Variants in KCNT2 observed in about 807,000 individuals in gnomAD.
KCNT2 encodes potassium sodium-activated channel subfamily T member 2.
KCNT2 carries 67 observed loss-of-function variants against 153.8 expected under a neutral mutation model. The observed-to-expected ratio is 0.44, with a 90% CI of 0.36 to 0.53. The LOEUF (loss-of-function observed/expected upper bound fraction) is 0.53. Among genes scored for constraint, KCNT2 ranks in the 20% least tolerant of loss-of-function variants. The pLI is 0.00. For missense variants in KCNT2, 975 were observed against 1,354.8 expected, an observed-to-expected ratio of 0.72 and a Z score of 4.40; for synonymous variants, 500 against 458.8, an observed-to-expected ratio of 1.09 and a Z score of -1.15.
At chr1:196,288,797 T>C (rs908890836) in intron 22 of KCNT2, among the ~76,000 whole-genome samples, 1 of 152,054 alleles carries the variant, frequency 6.6e-6, no homozygotes, top group Admixed American at 6.6e-5. Context: ...ACAAGTTGAT[T>C]TGGACTTGGG....
chr1:196,256,302 C>A (rs971131632), intron 26 of KCNT2, among the ~76,000 whole-genome samples: 1 of 151,840 alleles, frequency 6.6e-6, no homozygotes, highest in Admixed American at 6.6e-5. Flanking sequence ...AACAGTTCTG[C>A]CAAATTTTAA....
chr1:196,440,853 CA>C (rs1314693970), intron 8 of KCNT2, among the ~76,000 whole-genome samples: 1 of 151,730 alleles, frequency 6.6e-6, no homozygotes, highest in African/African-American at 2.4e-5. Context: ...TCCACAGATC[CA>C]AAAAAATCAA....
intron 26 of KCNT2, among the ~76,000 whole-genome samples, chr1:196,245,992 A>G (rs1362882438): frequency 6.6e-6 from 1 of 152,184 alleles, no homozygotes; most frequent in African/African-American, 2.4e-5. Flanking sequence ...TAAATACAAG[A>G]TGATAATAGA....
chr1:196,360,949 A>G (rs1667565292), intron 14 of KCNT2, among the ~76,000 whole-genome samples: 2 of 152,226 alleles, frequency 1.3e-5, no homozygotes, highest in Middle Eastern at 6.8e-3. Flanking sequence ...ATTAACCATT[A>G]TGTAGTATCC....
chr1:196,290,677 A>T (rs1009052241), intron 22 of KCNT2, among the ~76,000 whole-genome samples: 13 of 151,988 alleles, frequency 8.6e-5, no homozygotes, highest in African/African-American at 9.7e-5. Context: ...ATATACTTAA[A>T]TAAATGTATC....
At chr1:196,471,879 A>G (rs1572568054) in intron 5 of KCNT2, among the ~76,000 whole-genome samples, 1 of 152,354 alleles carries the variant, frequency 6.6e-6, no homozygotes, top group Non-Finnish European at 1.5e-5. Flanking sequence ...CCAACATAAT[A>G]AAATCCAAAC....
At chr1:196,464,417 A>G (rs1248873106) in intron 8 of KCNT2, among the ~76,000 whole-genome samples, 2 of 151,930 alleles carry the variant, frequency 1.3e-5, no homozygotes, top group Non-Finnish European at 2.9e-5. Context: ...CTAACCACAT[A>G]CTATTGATAC....
At chr1:196,358,422 C>G (rs189044851) in intron 14 of KCNT2, among the ~76,000 whole-genome samples, 33 of 151,796 alleles carry the variant, frequency 2.2e-4, no homozygotes, top group Admixed American at 1.1e-3. Flanking sequence ...ACAAAATCAG[C>G]ACCTCCAGAA....
chr1:196,565,107 AC>A (rs983797973), intron 1 of KCNT2, among the ~76,000 whole-genome samples: 3 of 151,738 alleles, frequency 2.0e-5, no homozygotes, highest in Admixed American at 6.6e-5. Context: ...AGAAAAAAAA[AC>A]AAATCAATAG....
chr1:196,296,128 G>T (rs1009571871), intron 22 of KCNT2, among the ~76,000 whole-genome samples: 1 of 151,856 alleles, frequency 6.6e-6, no homozygotes, highest in African/African-American at 2.4e-5. Flanking sequence ...AATAAAGAAT[G>T]AAATTCTATA....
intron 1 of KCNT2, among the ~76,000 whole-genome samples, chr1:196,547,192 G>A (rs1203624332): frequency 6.6e-6 from 1 of 151,942 alleles, no homozygotes; most frequent in Non-Finnish European, 1.5e-5. Flanking sequence ...TTTAAGAAGT[G>A]TGTCAAAATT....
Position 196,334,487 on chromosome 1 carries a change from C to CTTTTTTTTTTTTTTTTTTTTTTTTTTTT in KCNT2, c.1784-428_1784-427insAAAAAAAAAAAAAAAAAAAAAAAAAAAA, listed in dbSNP as rs533230418. 3.3e-3 allele frequency among the ~76,000 whole-genome samples: 285 copies of CTTTTTTTTTTTTTTTTTTTTTTTTTTTT among 87,206 alleles called. 58 individuals are homozygous for CTTTTTTTTTTTTTTTTTTTTTTTTTTTT. Among genetic ancestry groups the CTTTTTTTTTTTTTTTTTTTTTTTTTTTT allele is most frequent in the Middle Eastern group, 8.5e-3 (1 of 118 alleles). The allele number at this position is 87,206 out of a possible 152,430, so 57.2% of individuals were successfully genotyped here. On this transcript the variant is annotated intron_variant, in intron 16 of 27. Coordinates refer to ENST00000294725, the MANE Select transcript of KCNT2 (RefSeq NM_198503.5). Reference sequence around the variant, plus strand: ...TTTTCTTTTATTTCTTTCTTTCTTTCTTTTTTTTTTTTAAGACAGAGTCTC... The same window carrying CTTTTTTTTTTTTTTTTTTTTTTTTTTTT: ...TTTTCTTTTATTTCTTTCTTTCTTTCTTTTTTTTTTTTTTTTTTTTTTTTTTTTTTTTTTTTTTTTAAGACAGAGTCTC...
At chr1:196,472,916 G>A (rs950470337) in intron 5 of KCNT2, among the ~76,000 whole-genome samples, 17 of 151,830 alleles carry the variant, frequency 1.1e-4, no homozygotes, top group Admixed American at 9.2e-4. Flanking sequence ...GCACCTTTAC[G>A]CCAGACCAGG....
chr1:196,466,181 GTT>G (rs1677599884), intron 7 of KCNT2, among the ~76,000 whole-genome samples: 1 of 152,054 alleles, frequency 6.6e-6, no homozygotes, highest in African/African-American at 2.4e-5. Context: ...ATCCTGTCTT[GTT>G]TGAGTTATTT....
In KCNT2 at chr1:196,543,933, C is replaced by A. The variant is rs575241266; in HGVS notation, c.96-51592G>T. 2.9e-4 allele frequency among the ~76,000 whole-genome samples: 36 copies of A among 122,796 alleles called. No homozygotes were observed. In the South Asian group the frequency reaches 0.011, roughly 36 times the overall value. 80.6% of individuals were successfully genotyped at this position (122,796 alleles called of 152,430 possible). On this transcript the variant is annotated intron_variant, in intron 1 of 27. Transcript: ENST00000294725. ...TATAATTGTGTATTTACACAAAAAACCTGCACATAAATGTTCATAGCAGCT... is the reference window on the plus strand; with the variant it reads ...TATAATTGTGTATTTACACAAAAAAACTGCACATAAATGTTCATAGCAGCT...
At position 196,326,826 on chromosome 1, in the gene KCNT2, C is replaced by A. The variant is rs1337007119; in HGVS notation, c.2167G>T (p.Val723Phe). The stretch of plus-strand genomic sequence containing the variant: ...CCATTTCCAGCTGTTTCAGCTGCAA[C>A]TATAATTAGTTTATTTTTGAATCCA... ...AYGFKNKLIIVAAETAGNGLY... is the reference protein window; with the variant it reads ...AYGFKNKLIIFAAETAGNGLY... The change falls in exon 19 of 28, where the codon GTT (valine) becomes TTT (phenylalanine). Residue 723 changes from valine (V) to phenylalanine (F), a missense_variant. By Grantham distance (50) the Val-to-Phe change is conservative. Coordinates refer to ENST00000294725, the MANE Select transcript of KCNT2 (RefSeq NM_198503.5). 6.3e-7 allele frequency: 1 copy of A among 1,586,964 alleles called. No individual in the cohort carries two copies.
chr1:196,524,292 T>C (rs1323484852), intron 1 of KCNT2, among the ~76,000 whole-genome samples: 1 of 152,090 alleles, frequency 6.6e-6, no homozygotes, highest in Non-Finnish European at 1.5e-5. Context: ...TATTTCAGGT[T>C]CACACATTCT....
chr1:196,401,131 T>C (rs1044862381), intron 12 of KCNT2, among the ~76,000 whole-genome samples: 5 of 151,794 alleles, frequency 3.3e-5, no homozygotes, highest in African/African-American at 1.2e-4. Flanking sequence ...ATAAAAACAA[T>C]CTGAGCTGAC....
chr1:196,373,551 A>G (rs1017737727), intron 13 of KCNT2, among the ~76,000 whole-genome samples: 3 of 151,862 alleles, frequency 2.0e-5, no homozygotes, highest in Non-Finnish European at 2.9e-5. Context: ...TAATCTTCCT[A>G]TGCCTAGCAG....
Sources: allele counts gnomAD v4.1 joint callset (sites outside exome capture counted in the v4.1 genomes callset), GRCh38; gene constraint gnomAD v4.1.1; transcripts MANE v1.5; gene names NCBI Gene and HGNC (gene_info 2026-07-23, HGNC 2026-07-21).